The following NTM variants were observed in gnomAD, a reference collection of about 807,000 sequenced individuals.
The protein encoded by NTM is neurotrimin.
In NTM, 13 loss-of-function variants were observed where a neutral mutation model predicts 42.1. The ratio of observed to expected loss-of-function variants is 0.31; its 90% CI spans 0.20 to 0.49. The LOEUF is 0.49. Among genes scored for constraint, NTM ranks in the 20% least tolerant of loss-of-function variants. NTM has a pLI of 0.99. For synonymous variants in NTM, 187 were observed against 179.2 expected, an observed-to-expected ratio of 1.04 and a Z score of -0.35; for missense variants, 373 against 452.8, an observed-to-expected ratio of 0.82 and a Z score of 1.60.
chr11:131,382,465 A>G (rs1305708562), intron 1 of NTM, among the ~76,000 whole-genome samples: 1 of 152,182 alleles, frequency 6.6e-6, no homozygotes, highest in Non-Finnish European at 1.5e-5. Flanking sequence ...CCAGCTCTAG[A>G]ATGCATAGTT....
At chr11:132,111,099 A>G (rs748077475) in intron 2 of NTM, among the ~76,000 whole-genome samples, 2,093 of 122,200 alleles carry the variant, frequency 0.017, 141 homozygotes, top group South Asian at 0.097. Flanking sequence ...AAAAAAAAAA[A>G]AAAAAAAAAA....
At position 132,070,357 on chromosome 11, in the gene NTM, A is replaced by C. The variant is rs1262710144; in HGVS notation, c.168-75925A>C. On this transcript the variant is annotated intron_variant, in intron 2 of 8. Transcript: ENST00000683400. ...CACGTCACACAGCCAAAACACGTCA[A>C]ACTGACCATCACAGGTTAGTTAACA... 1.9e-4 allele frequency among the ~76,000 whole-genome samples: 27 copies of C among 143,104 alleles called. 2 individuals carry two copies. Among genetic ancestry groups the C allele is most frequent in the Admixed American group, 7.0e-4 (10 of 14,384 alleles). 93.9% of individuals were successfully genotyped at this position (143,104 alleles called of 152,430 possible).
chr11:131,944,930 T>A (rs2060186642), intron 2 of NTM, among the ~76,000 whole-genome samples: 1 of 152,176 alleles, frequency 6.6e-6, no homozygotes, highest in Non-Finnish European at 1.5e-5. Flanking sequence ...ACTAAGTAAA[T>A]GCGTTTTATC....
chr11:132,092,476 A>G (rs567804496), intron 2 of NTM, among the ~76,000 whole-genome samples: 1 of 152,092 alleles, frequency 6.6e-6, no homozygotes, highest in Non-Finnish European at 1.5e-5. Flanking sequence ...TGCTTCTGCA[A>G]ACCTTAGTTC....
intron 1 of NTM, chr11:131,910,828 C>T: frequency 2.0e-6 from 2 of 984,782 alleles, no homozygotes; most frequent in East Asian, 1.2e-4. Flanking sequence ...GCGGCCGCAG[C>T]GCGCATTTGG....
At chr11:131,843,567 A>C (rs1326030013) in intron 1 of NTM, among the ~76,000 whole-genome samples, 1 of 152,342 alleles carries the variant, frequency 6.6e-6, no homozygotes, top group East Asian at 1.9e-4. Context: ...TGCAATAAAC[A>C]TGCATGTATG....
chr11:131,898,199 T>G (rs942446746), intron 1 of NTM, among the ~76,000 whole-genome samples: 2 of 152,204 alleles, frequency 1.3e-5, no homozygotes, highest in Admixed American at 1.3e-4. Flanking sequence ...CTATTTTTGT[T>G]TGATAAATAA....
At chr11:131,583,097 A>C (rs2058560375) in intron 1 of NTM, among the ~76,000 whole-genome samples, 1 of 152,050 alleles carries the variant, frequency 6.6e-6, no homozygotes, top group South Asian at 2.1e-4. Flanking sequence ...ACCTATTTCC[A>C]CAGTGCTGGG....
At position 131,824,142 on chromosome 11, in the gene NTM, C is replaced by T. The variant is rs117283329; in HGVS notation, c.83-87422C>T. On this transcript the variant is annotated intron_variant, in intron 1 of 8. Coordinates refer to ENST00000683400, the MANE Select transcript of NTM (RefSeq NM_001352005.2). ...TAACAGAGAGACATTTAATTTCCTT[C>T]TACATAAGCTTGAGGCTGAAGAGGA... Among the ~76,000 whole-genome samples the T allele has an allele frequency of 7.5e-3, 1,143 of 152,270 alleles. 25 individuals are homozygous for T. The highest frequency in any genetic ancestry group is 6.0e-3 in the Non-Finnish European group (408 of 68,018).
chr11:132,021,327 ATATT>A (rs2074295699), intron 2 of NTM, among the ~76,000 whole-genome samples: 2 of 152,116 alleles, frequency 1.3e-5, no homozygotes, highest in South Asian at 2.1e-4. Flanking sequence ...TTTTTTAAAC[ATATT>A]TATAAGAATG....
chr11:132,181,743 G>A (rs369845214), intron 3 of NTM, among the ~76,000 whole-genome samples: 6 of 152,130 alleles, frequency 3.9e-5, no homozygotes, highest in Admixed American at 6.5e-5. Context: ...TGCCTCTTCT[G>A]TTCCTTCTGA....
chr11:131,557,032 G>A (rs1262502868), intron 1 of NTM, among the ~76,000 whole-genome samples: 1 of 151,868 alleles, frequency 6.6e-6, no homozygotes, highest in African/African-American at 2.4e-5. Flanking sequence ...TGTCTGCAAA[G>A]GGGAATTTCA....
intron 3 of NTM, among the ~76,000 whole-genome samples, chr11:132,163,412 G>A (rs1029621882): frequency 1.3e-5 from 2 of 152,208 alleles, no homozygotes; most frequent in African/African-American, 4.8e-5. Flanking sequence ...CAATGATAAT[G>A]CTATTTTTAT....
At chr11:131,623,931 C>A (rs76790629) in intron 1 of NTM, among the ~76,000 whole-genome samples, 1 of 152,188 alleles carries the variant, frequency 6.6e-6, no homozygotes, top group African/African-American at 2.4e-5. Context: ...CTGGCCGCTC[C>A]GACCTTGAGT....
intron 1 of NTM, among the ~76,000 whole-genome samples, chr11:131,444,813 A>G (rs1410190706): frequency 1.3e-5 from 2 of 152,212 alleles, no homozygotes; most frequent in African/African-American, 4.8e-5. Context: ...CTGTTGGCTA[A>G]GACTGGAGAG....
chr11:131,946,324 T>G (rs971663018), intron 2 of NTM, among the ~76,000 whole-genome samples: 2 of 152,152 alleles, frequency 1.3e-5, no homozygotes, highest in Admixed American at 1.3e-4. Flanking sequence ...CTGGAAGCAT[T>G]AGTCTAAAAA....
intron 1 of NTM, among the ~76,000 whole-genome samples, chr11:131,576,310 C>G (rs1369746100): frequency 1.3e-5 from 2 of 152,166 alleles, no homozygotes; most frequent in Non-Finnish European, 2.9e-5. Flanking sequence ...TATTTGAGGG[C>G]TCTTCTTTCA....
At chr11:132,112,327 G>C (rs1306358444) in intron 2 of NTM, among the ~76,000 whole-genome samples, 1 of 152,122 alleles carries the variant, frequency 6.6e-6, no homozygotes. Context: ...TTGCACACAT[G>C]TTTCACAGAA....
chr11:132,084,753 G>C (rs2059496624), intron 2 of NTM, among the ~76,000 whole-genome samples: 1 of 152,026 alleles, frequency 6.6e-6, no homozygotes, highest in Non-Finnish European at 1.5e-5. Context: ...CTTTTCCTTG[G>C]TAGTCTATGC....
Sources: gnomAD v4.1 joint callset for allele counts (sites outside exome capture counted in the v4.1 genomes callset) on GRCh38, gnomAD v4.1.1 for gene constraint, MANE v1.5 for transcripts, NCBI Gene and HGNC (gene_info 2026-07-23, HGNC 2026-07-21) for gene names.